KCND2: variants seen among roughly 807,000 people sequenced by gnomAD.
KCND2 encodes A-type voltage-gated potassium channel KCND2.
Under a neutral mutation model 54.4 loss-of-function variants are expected in KCND2, and 16 were observed. The observed-to-expected ratio is 0.29, with a 90% confidence interval of 0.20 to 0.45. KCND2 has a LOEUF of 0.45. Ranked by LOEUF, KCND2 falls within the 20% of genes least tolerant of loss-of-function variation. The pLI is 1.00. For missense variants in KCND2, 486 were observed against 824.2 expected, an observed-to-expected ratio of 0.59 and a Z score of 5.02; for synonymous variants, 317 against 310.7, an observed-to-expected ratio of 1.02 and a Z score of -0.21.
intron 1 of KCND2, among the ~76,000 whole-genome samples, chr7:120,390,996 A>T (rs147535011): frequency 0.015 from 2,304 of 152,062 alleles, 63 homozygotes; most frequent in African/African-American, 0.052. Flanking sequence ...GGTTTGCTGC[A>T]CCTATCTACA....
chr7:120,373,447 G>T (rs1251064561), intron 1 of KCND2, among the ~76,000 whole-genome samples: 1 of 151,792 alleles, frequency 6.6e-6, no homozygotes, highest in Non-Finnish European at 1.5e-5. Flanking sequence ...AATCTGAAAA[G>T]CTCTTTTCCT....
At chr7:120,480,084 T>C (rs1019996322) in intron 1 of KCND2, among the ~76,000 whole-genome samples, 1 of 151,814 alleles carries the variant, frequency 6.6e-6, no homozygotes, top group Admixed American at 6.6e-5. Context: ...TCAAAATATA[T>C]ATTATTATTT....
chr7:120,743,992 G>A (rs1475930050), intron 4 of KCND2, among the ~76,000 whole-genome samples: 1 of 152,202 alleles, frequency 6.6e-6, no homozygotes, highest in Non-Finnish European at 1.5e-5. Flanking sequence ...AGGCGCAGTG[G>A]CTCACGTCTG....
At chr7:120,741,423 G>T (rs1792939451) in intron 2 of KCND2, 111 bp from the exon 3 acceptor site, 1 of 757,622 alleles carries the variant, frequency 1.3e-6, no homozygotes, top group African/African-American at 1.7e-5. Flanking sequence ...TGAAAAGCTG[G>T]CTTACTTTTA....
chr7:120,497,497 TCAAATGATAG>T (rs1370128367), intron 1 of KCND2, among the ~76,000 whole-genome samples: 1 of 152,228 alleles, frequency 6.6e-6, no homozygotes, highest in African/African-American at 2.4e-5. Context: ...GTTAGAACTT[TCAAATGATAG>T]AGATTTATAC....
At chr7:120,569,524 C>T (rs1792337557) in intron 1 of KCND2, among the ~76,000 whole-genome samples, 2 of 152,092 alleles carry the variant, frequency 1.3e-5, no homozygotes, top group African/African-American at 4.8e-5. Flanking sequence ...GTGCCTGCCC[C>T]ACCAAAATTC....
intron 1 of KCND2, among the ~76,000 whole-genome samples, chr7:120,699,408 C>G (rs1792373103): frequency 6.6e-6 from 1 of 152,164 alleles, no homozygotes; most frequent in Non-Finnish European, 1.5e-5. Context: ...GTATGAGTCA[C>G]TGTGGTAGGA....
At chr7:120,464,109 TC>T in intron 1 of KCND2, 1 of 981,726 alleles carries the variant, frequency 1.0e-6, no homozygotes, top group South Asian at 4.7e-5. Flanking sequence ...TTGCCTGGTT[TC>T]CCCCTAGCTA....
chr7:120,678,220 T>C (rs944057757), intron 1 of KCND2, among the ~76,000 whole-genome samples: 1 of 151,578 alleles, frequency 6.6e-6, no homozygotes, highest in Non-Finnish European at 1.5e-5. Flanking sequence ...CTTACATTTA[T>C]ACTAGCATCT....
chr7:120,727,572 G>C (rs936029656), intron 1 of KCND2, among the ~76,000 whole-genome samples: 1 of 152,038 alleles, frequency 6.6e-6, no homozygotes, highest in Non-Finnish European at 1.5e-5. Flanking sequence ...CTGAGGAATT[G>C]GTCTTCCACC....
chr7:120,680,432 G>A (rs552605562), intron 1 of KCND2, among the ~76,000 whole-genome samples: 6 of 152,144 alleles, frequency 3.9e-5, no homozygotes, highest in South Asian at 2.1e-4. Flanking sequence ...TTTCATCGCC[G>A]TATAAATAAA....
At chr7:120,502,082 T>C (rs1802944717) in intron 1 of KCND2, among the ~76,000 whole-genome samples, 2 of 152,034 alleles carry the variant, frequency 1.3e-5, no homozygotes, top group African/African-American at 4.8e-5. Flanking sequence ...ATTTATTCAG[T>C]GGAAAGAGTT....
Position 120,732,959 on chromosome 7 carries a change from C to T in KCND2, c.1172C>T (p.Ser391Leu), listed in dbSNP as rs866951211. 1 of 1,613,614 alleles carries T rather than the reference C, an allele frequency of 6.2e-7. No homozygotes were observed. The highest frequency in any genetic ancestry group is 8.5e-7 in the Non-Finnish European group (1 of 1,179,712). The change falls in exon 2 of 6, where the codon TCG (serine) becomes TTG (leucine). Residue 391 changes from serine (S) to leucine (L), a missense_variant. By Grantham distance (145) the Ser-to-Leu change is moderately radical. Around this residue, in one of 7 missense-constraint regions of KCND2, gnomAD observed 7 missense variants for 41.0 expected, o/e 0.17. Transcript: ENST00000331113. The part of the protein sequence containing the change: ...IAGKIFGSIC[S>L]LSGVLVIALP... ...GGGAAGATTTTTGGTTCTATCTGTT[C>T]GCTGAGTGGGGTCTTGGTCATTGCT...
At chr7:120,734,728 T>A (rs1399049247) in intron 2 of KCND2, among the ~76,000 whole-genome samples, 1 of 152,154 alleles carries the variant, frequency 6.6e-6, no homozygotes, top group Admixed American at 6.6e-5. Context: ...ATCTTTGTCC[T>A]TTAAGGATAG....
intron 1 of KCND2, among the ~76,000 whole-genome samples, chr7:120,299,260 G>A (rs1174393421): frequency 6.6e-6 from 1 of 152,114 alleles, no homozygotes; most frequent in Non-Finnish European, 1.5e-5. Context: ...TTACTGTCTG[G>A]TAAAAGAAAT....
At position 120,684,426 on chromosome 7, in the gene KCND2, G is replaced by A. The variant is rs118135997; in HGVS notation, c.1116-48477G>A. On this transcript the variant is annotated intron_variant, in intron 1 of 5. Coordinates refer to ENST00000331113, the MANE Select transcript of KCND2 (RefSeq NM_012281.3). ...ATGTAAATTTCCTTCTTGGTGATAA[G>A]TGTAGCAAATTGCTTTATATTTTTC... Among the ~76,000 whole-genome samples, 380 of 152,250 alleles carry A rather than the reference G, an allele frequency of 2.5e-3. 9 individuals carry two copies. In the East Asian group the frequency reaches 0.044, roughly 18 times the overall value.
At chr7:120,705,160 A>T (rs775052691) in intron 1 of KCND2, among the ~76,000 whole-genome samples, 68 of 152,136 alleles carry the variant, frequency 4.5e-4, no homozygotes, top group Non-Finnish European at 7.6e-4. Flanking sequence ...AAATTGAATG[A>T]AAGGAAGCCA....
chr7:120,357,939 A>T lies in KCND2; in HGVS notation c.1115+82192A>T, dbSNP rs1196236499. On this transcript the variant is annotated intron_variant, in intron 1 of 5. Coordinates refer to ENST00000331113, the MANE Select transcript of KCND2 (RefSeq NM_012281.3). ...ACATCGGGGGTTGCAGCTTCATCAT[A>T]TGAAGTTTGGAGGGACACAGTTCAG... Among the ~76,000 whole-genome samples, 4 of 152,146 alleles carry T rather than the reference A, an allele frequency of 2.6e-5. No homozygotes were observed. The East Asian group carries it at 7.7e-4, about 29-fold the overall frequency.
At chr7:120,513,377 T>C (rs890656377) in intron 1 of KCND2, among the ~76,000 whole-genome samples, 5 of 152,184 alleles carry the variant, frequency 3.3e-5, no homozygotes, top group Admixed American at 6.6e-5. Flanking sequence ...AATAATGTGT[T>C]TTTGATTTAT....
Sources: gnomAD v4.1 joint callset for allele counts (sites outside exome capture counted in the v4.1 genomes callset) on GRCh38, gnomAD v4.1.1 for gene constraint, gnomAD v4.1.1 regional missense constraint, MANE v1.5 for transcripts, NCBI Gene and HGNC (gene_info 2026-07-23, HGNC 2026-07-21) for gene names.